GRID2: variants seen among roughly 807,000 people sequenced by gnomAD.
GRID2 encodes the protein glutamate ionotropic receptor delta type subunit 2, also known as glutamate receptor ionotropic, delta-2.
In GRID2, 33 loss-of-function variants were observed where a neutral mutation model predicts 114.8. The observed-to-expected ratio is 0.29, with a 90% CI of 0.22 to 0.38. The LOEUF (loss-of-function observed/expected upper bound fraction) is 0.38. Among genes scored for constraint, GRID2 ranks in the 10% least tolerant of loss-of-function variants. The pLI is 1.00. For synonymous variants in GRID2, 505 were observed against 449.9 expected, an observed-to-expected ratio of 1.12 and a Z score of -1.55; for missense variants, 1,184 against 1,257.7, an observed-to-expected ratio of 0.94 and a Z score of 0.89.
chr4:92,972,921 T>G (rs1384291434), intron 2 of GRID2, among the ~76,000 whole-genome samples: 1 of 152,154 alleles, frequency 6.6e-6, no homozygotes, highest in Non-Finnish European at 1.5e-5. Context: ...TCTATGTCCC[T>G]GCAAAGGAAA....
intron 13 of GRID2, among the ~76,000 whole-genome samples, chr4:93,579,560 G>A (rs367948911): frequency 1.2e-4 from 18 of 152,074 alleles, no homozygotes; most frequent in African/African-American, 3.9e-4. Flanking sequence ...CTATTCCATC[G>A]CCACCTGACC....
chr4:93,618,337 T>TAA (rs1376242631), intron 13 of GRID2, among the ~76,000 whole-genome samples: 1 of 152,218 alleles, frequency 6.6e-6, no homozygotes, highest in Non-Finnish European at 1.5e-5. Flanking sequence ...CCTTTCCGAC[T>TAA]GTGGAACTCA....
At chr4:92,750,918 T>C (rs1473674572) in intron 2 of GRID2, among the ~76,000 whole-genome samples, 1 of 152,336 alleles carries the variant, frequency 6.6e-6, no homozygotes, top group East Asian at 1.9e-4. Context: ...CTGAGCTTCA[T>C]ATTGTATCAA....
At chr4:93,585,234 C>T (rs1399967628) in intron 13 of GRID2, among the ~76,000 whole-genome samples, 1 of 152,086 alleles carries the variant, frequency 6.6e-6, no homozygotes, top group Non-Finnish European at 1.5e-5. Context: ...TACGATTCTT[C>T]AAAGAAATCC....
At chr4:93,545,920 C>T (rs1037333277) in intron 13 of GRID2, among the ~76,000 whole-genome samples, 2 of 151,878 alleles carry the variant, frequency 1.3e-5, no homozygotes, top group East Asian at 1.9e-4. Context: ...AATAAAGCAG[C>T]GATTTGAAAG....
intron 2 of GRID2, among the ~76,000 whole-genome samples, chr4:92,669,550 G>A (rs62310170): frequency 0.061 from 9,252 of 151,962 alleles, 341 homozygotes; most frequent in East Asian, 0.16. Context: ...ACATGTAACA[G>A]TTGGTTTCAG....
chr4:93,250,545 C>A, intron 8 of GRID2, among the ~76,000 whole-genome samples: 1 of 75,838 alleles, frequency 1.3e-5, no homozygotes. Context: ...CCAAGGTTTT[C>A]TTCTTGACAA....
chr4:93,044,466 G>A (rs964347685), intron 2 of GRID2, among the ~76,000 whole-genome samples: 2 of 151,906 alleles, frequency 1.3e-5, no homozygotes, highest in African/African-American at 4.8e-5. Context: ...TAGGAAAGAA[G>A]AAATCTTTTT....
chr4:92,807,015 CTAT>C (rs1480522916), intron 2 of GRID2, among the ~76,000 whole-genome samples: 1 of 151,760 alleles, frequency 6.6e-6, no homozygotes, highest in African/African-American at 2.4e-5. Flanking sequence ...AATTGTTCAC[CTAT>C]TATCTGGAAA....
rs1449580860 is a variant in GRID2 at position 92,862,730 on chromosome 4, T to G, written c.245-222265T>G. Among the ~76,000 whole-genome samples the G allele has an allele frequency of 2.0e-5, 3 of 152,102 alleles. No individual in the cohort carries two copies. In the East Asian group the frequency reaches 5.8e-4, roughly 29 times the overall value. On this transcript the variant is annotated intron_variant, in intron 2 of 15. Transcript: ENST00000282020. ...TACCTTAATCAGCATAAATTTCAGT[T>G]GTTGTGCATACATTTTTTATAACTA...
intron 2 of GRID2, among the ~76,000 whole-genome samples, chr4:92,766,452 G>A (rs1024495385): frequency 5.9e-5 from 9 of 151,434 alleles, no homozygotes; most frequent in African/African-American, 2.2e-4. Context: ...CAGGAGAATG[G>A]CGTGAACCCA....
chr4:93,502,929 C>T (rs1728267588), intron 12 of GRID2, among the ~76,000 whole-genome samples: 2 of 152,152 alleles, frequency 1.3e-5, no homozygotes, highest in African/African-American at 2.4e-5. Context: ...AGGGATGCTA[C>T]AGAGTTCTCA....
intron 2 of GRID2, among the ~76,000 whole-genome samples, chr4:92,992,745 A>G (rs1312546259): frequency 6.6e-6 from 1 of 152,098 alleles, no homozygotes. Context: ...CCTCTCCTCT[A>G]TATTTACCAG....
chr4:92,305,925 T>G (rs1369934512), intron 1 of GRID2, among the ~76,000 whole-genome samples: 1 of 152,166 alleles, frequency 6.6e-6, no homozygotes, highest in Non-Finnish European at 1.5e-5. Context: ...GCACAGGACT[T>G]TTATCTGTAC....
chr4:93,460,684 G>A (rs1413077497), intron 11 of GRID2, among the ~76,000 whole-genome samples: 1 of 152,000 alleles, frequency 6.6e-6, no homozygotes, highest in Non-Finnish European at 1.5e-5. Flanking sequence ...TACATGTTAG[G>A]CATTTAATAA....
intron 10 of GRID2, among the ~76,000 whole-genome samples, chr4:93,453,316 AAGAGAGAGAG>A (rs3044025): frequency 0.08 from 10,151 of 127,198 alleles, 379 homozygotes; most frequent in African/African-American, 0.088. Context: ...AGAGATGGGA[AAGAGAGAGAG>A]AGAGAGAGAG....
intron 2 of GRID2, among the ~76,000 whole-genome samples, chr4:92,744,370 C>A (rs949514153): frequency 2.0e-5 from 3 of 151,840 alleles, no homozygotes; most frequent in African/African-American, 7.3e-5. Context: ...CGCCTGTAAT[C>A]CTAGCTACTC....
intron 8 of GRID2, among the ~76,000 whole-genome samples, chr4:93,258,023 C>CTGGTAATACTAATAT (rs1443607441): frequency 1.2e-4 from 17 of 147,806 alleles, no homozygotes; most frequent in African/African-American, 4.3e-4. Context: ...CACACACACA[C>CTGGTAATACTAATAT]ACACAATACT....
At chr4:92,831,275 C>T (rs1447924516) in intron 2 of GRID2, among the ~76,000 whole-genome samples, 1 of 152,116 alleles carries the variant, frequency 6.6e-6, no homozygotes, top group African/African-American at 2.4e-5. Context: ...TTGTGAATGA[C>T]TTTTCAGAAT....
Sources: allele counts gnomAD v4.1 joint callset (sites outside exome capture counted in the v4.1 genomes callset), GRCh38; gene constraint gnomAD v4.1.1; transcripts MANE v1.5; gene names NCBI Gene and HGNC (gene_info 2026-07-23, HGNC 2026-07-21).